MBTPS1: variants seen among roughly 807,000 people sequenced by gnomAD.
MBTPS1 encodes membrane-bound transcription factor site-1 protease.
MBTPS1 carries 94 observed loss-of-function variants against 127.8 expected under a neutral mutation model. The observed-to-expected ratio is 0.74, with a 90% CI of 0.62 to 0.87. MBTPS1 has a LOEUF of 0.87. MBTPS1 is among the 40% of genes least tolerant of loss of function. The probability of loss-of-function intolerance (pLI) is 0.00; values close to 1 mark genes in which losing one functional copy is unlikely to be tolerated. For synonymous variants in MBTPS1, 632 were observed against 509.4 expected, an observed-to-expected ratio of 1.24 and a Z score of -3.24; for missense variants, 1,636 against 1,353.2, an observed-to-expected ratio of 1.21 and a Z score of -3.28.
chr16:84,073,823 G>A (rs966551880), intron 12 of MBTPS1, among the ~76,000 whole-genome samples: 1 of 152,042 alleles, frequency 6.6e-6, no homozygotes, highest in Non-Finnish European at 1.5e-5. Context: ...TGGCCAACAT[G>A]GTGAAACCCT....
intron 11 of MBTPS1, among the ~76,000 whole-genome samples, chr16:84,078,481 C>A (rs1265972727): frequency 1.3e-5 from 2 of 150,684 alleles, no homozygotes. Flanking sequence ...TGCTCTCAAC[C>A]CAGACCAGCA....
At chr16:84,055,223 C>T (rs930857429) in intron 22 of MBTPS1, among the ~76,000 whole-genome samples, 5 of 152,186 alleles carry the variant, frequency 3.3e-5, no homozygotes, top group Admixed American at 1.3e-4. Context: ...TTACCTTCAG[C>T]GCACCCCGTG....
At chr16:84,091,403 T>C (rs1478835830) in intron 7 of MBTPS1, among the ~76,000 whole-genome samples, 1 of 150,362 alleles carries the variant, frequency 6.7e-6, no homozygotes, top group Non-Finnish European at 1.5e-5. Flanking sequence ...GGAGAACCGC[T>C]TGAACCTGGG....
At chr16:84,070,460 T>C in intron 13 of MBTPS1, 128 bp downstream of exon 13, 1 of 900,956 alleles carries the variant, frequency 1.1e-6, no homozygotes. Context: ...CCATCAATTG[T>C]GGCCATCGAG....
At position 84,060,729 on chromosome 16, in the gene MBTPS1, TGGCGGTTCCCAGAGTGACTGAGGCTA is replaced by T; in HGVS notation, c.2631_2656del (p.Ser878AlafsTer59). ...TGAGCCTGCTCCACTGGGAGGGCGC[TGGCGGTTCCCAGAGTGACTGAGGCTA>T]GGCGGTGTCACCCCATACGATGTGT... is the stretch of plus-strand genomic sequence containing the variant. On this transcript the variant is annotated frameshift_variant, in exon 20 of 23. Coordinates refer to ENST00000343411, the MANE Select transcript of MBTPS1 (RefSeq NM_003791.4). LOFTEE classifies it high-confidence loss of function. 6.2e-7 allele frequency: 1 copy of T among 1,613,640 alleles called. No individual in the cohort carries two copies. The highest frequency in any genetic ancestry group is 1.3e-5 in the African/African-American group (1 of 75,042).
intron 10 of MBTPS1, among the ~76,000 whole-genome samples, chr16:84,082,477 C>T (rs1047875868): frequency 1.3e-5 from 2 of 152,178 alleles, no homozygotes; most frequent in African/African-American, 4.8e-5. Flanking sequence ...AGGCCACCTT[C>T]AGTTTCACCA....
At chr16:84,083,353 G>A (rs781041104) in intron 10 of MBTPS1, among the ~76,000 whole-genome samples, 1 of 152,192 alleles carries the variant, frequency 6.6e-6, no homozygotes, top group Non-Finnish European at 1.5e-5. Flanking sequence ...CAAGCACATG[G>A]TTATTCTCCA....
intron 8 of MBTPS1, among the ~76,000 whole-genome samples, chr16:84,088,231 A>G (rs1243786740): frequency 1.3e-5 from 2 of 152,178 alleles, no homozygotes; most frequent in African/African-American, 4.8e-5. Context: ...CTCTTTGACA[A>G]ATCAACAACT....
At chr16:84,105,926 G>A (rs923833324) in intron 1 of MBTPS1, among the ~76,000 whole-genome samples, 5 of 152,164 alleles carry the variant, frequency 3.3e-5, no homozygotes, top group African/African-American at 1.2e-4. Context: ...TTACCTTCCA[G>A]TGCAGGGAGA....
At chr16:84,088,822 C>T (rs935747711) in intron 8 of MBTPS1, among the ~76,000 whole-genome samples, 1 of 152,172 alleles carries the variant, frequency 6.6e-6, no homozygotes, top group Non-Finnish European at 1.5e-5. Context: ...GCAGAAAAAA[C>T]CACACCCACC....
At chr16:84,093,413 G>C in intron 5 of MBTPS1, 116 bp from the exon 6 acceptor site, 1 of 733,968 alleles carries the variant, frequency 1.4e-6, no homozygotes, top group East Asian at 2.6e-5. Context: ...GATAGAGGAG[G>C]GCCTCTGCTG....
intron 12 of MBTPS1, among the ~76,000 whole-genome samples, chr16:84,072,414 A>G (rs2085783685): frequency 6.6e-6 from 1 of 152,176 alleles, no homozygotes; most frequent in Admixed American, 6.5e-5. Context: ...AACCCACCAA[A>G]CTGTGCGACC....
At chr16:84,077,234 G>GAA (rs1191331764) in intron 11 of MBTPS1, among the ~76,000 whole-genome samples, 8,007 of 100,238 alleles carry the variant, frequency 0.08, 394 homozygotes, top group Non-Finnish European at 0.13. Context: ...CATTAAAAAA[G>GAA]AAAAAAAAAA....
At chr16:84,074,423 C>G (rs1359307180) in intron 12 of MBTPS1, among the ~76,000 whole-genome samples, 174 bp downstream of exon 12, 1 of 152,164 alleles carries the variant, frequency 6.6e-6, no homozygotes, top group Non-Finnish European at 1.5e-5. Flanking sequence ...TTTGTAGAGA[C>G]AGGTCTCACT....
rs183557480 is a variant in MBTPS1, at chr16:84,094,353, C to T, written c.626-532G>A. On this transcript the variant is annotated intron_variant, in intron 4 of 22. Coordinates refer to ENST00000343411, the MANE Select transcript of MBTPS1 (RefSeq NM_003791.4). ...TCATTTATAATACAGCAAACTCTGCCGCAAGGAACAATTAACACCACATGC... is the reference window on the plus strand; with the variant it reads ...TCATTTATAATACAGCAAACTCTGCTGCAAGGAACAATTAACACCACATGC... 2.6e-5 allele frequency among the ~76,000 whole-genome samples: 4 copies of T among 152,260 alleles called. No individual in the cohort carries two copies. The East Asian group carries it at 5.8e-4, about 22-fold the overall frequency.
rs751200834 is a variant in MBTPS1 at position 84,095,822 on chromosome 16, G to C, written c.422-17C>G. 1.9e-6 allele frequency: 3 copies of C among 1,608,414 alleles called. No individual in the cohort carries two copies. The highest frequency in any genetic ancestry group is 1.7e-5 in the Admixed American group (1 of 60,004). ...TGGGGTCAGCTACAGGCAAGGGAGA[G>C]AAAGATCAGAACAGAAGAGCAAAAC... is the stretch of plus-strand genomic sequence containing the variant. On this transcript the variant is annotated splice_polypyrimidine_tract_variant and intron_variant, in intron 3 of 22. Coordinates refer to ENST00000343411, the MANE Select transcript of MBTPS1 (RefSeq NM_003791.4).
At chr16:84,103,022 A>G (rs1253762418) in intron 1 of MBTPS1, among the ~76,000 whole-genome samples, 1 of 152,220 alleles carries the variant, frequency 6.6e-6, no homozygotes, top group Non-Finnish European at 1.5e-5. Flanking sequence ...TGTCACCTGA[A>G]TATTAAATTA....
At chr16:84,088,707 A>G (rs987720308) in intron 8 of MBTPS1, among the ~76,000 whole-genome samples, 1 of 152,194 alleles carries the variant, frequency 6.6e-6, no homozygotes, top group Non-Finnish European at 1.5e-5. Flanking sequence ...CAAAGAGACC[A>G]CAGCAAAGGG....
At chr16:84,080,992 CAAG>C (rs928491855) in intron 11 of MBTPS1, among the ~76,000 whole-genome samples, 1 of 152,198 alleles carries the variant, frequency 6.6e-6, no homozygotes, top group African/African-American at 2.4e-5. Flanking sequence ...TAGAGGAAAC[CAAG>C]AAGACAGGAC....
Sources: gnomAD v4.1 joint callset for allele counts (sites outside exome capture counted in the v4.1 genomes callset) on GRCh38, gnomAD v4.1.1 for gene constraint, MANE v1.5 for transcripts, NCBI Gene and HGNC (gene_info 2026-07-23, HGNC 2026-07-21) for gene names.